Variants in BRINP2 observed in about 807,000 individuals in gnomAD.
The protein encoded by BRINP2 is BMP/retinoic acid inducible neural specific 2.
In BRINP2, 21 loss-of-function variants were observed where a neutral mutation model predicts 69.2. The ratio of observed to expected loss-of-function variants is 0.30; its 90% CI spans 0.22 to 0.44. The LOEUF is 0.44. BRINP2 is among the 20% of genes least tolerant of loss of function. BRINP2 has a pLI of 1.00. For missense variants in BRINP2, 877 were observed against 986.0 expected (o/e 0.89, Z 1.48); for synonymous variants, 380 against 394.1 (o/e 0.96, Z 0.42).
chr1:177,195,080 C>T (rs1276722831), intron 1 of BRINP2, among the ~76,000 whole-genome samples: 2 of 152,178 alleles, frequency 1.3e-5, no homozygotes, highest in African/African-American at 4.8e-5. Flanking sequence ...TCTTAGAAAG[C>T]TCACAGCCCA....
In BRINP2 at chr1:177,281,221, C is replaced by T; in HGVS notation, c.2045C>T (p.Thr682Ile). Residue 682 changes from threonine to isoleucine, a missense_variant, in exon 8 of 8, where the codon ACC becomes ATC. This residue lies in a region of BRINP2 where 225 missense variants were observed against 218.7 expected (regional missense o/e 1.03). Coordinates refer to ENST00000361539, the MANE Select transcript of BRINP2 (RefSeq NM_021165.4). Reference sequence around the variant, plus strand: ...AATTTGGGTTACATGAAAATTAACACCTTGCAGGTCTTTGGCTACAGCCTG... The same window carrying T: ...AATTTGGGTTACATGAAAATTAACATCTTGCAGGTCTTTGGCTACAGCCTG... ...SKNLGYMKIN[T>I]LQVFGYSLPF... 1 of 1,614,146 alleles carries T rather than the reference C, an allele frequency of 6.2e-7. No homozygotes were observed. Among genetic ancestry groups the T allele is most frequent in the Non-Finnish European group, 8.5e-7 (1 of 1,180,022 alleles).
Position 177,276,206 on chromosome 1 carries a change from G to A in BRINP2, c.784G>A (p.Val262Met), listed in dbSNP as rs757083217. Residue 262 changes from valine (V) to methionine (M), a missense_variant, in exon 6 of 8, where the codon GTG (valine) becomes ATG (methionine). Physicochemically the swap from Val to Met is conservative, Grantham distance 21. Coordinates refer to ENST00000361539, the MANE Select transcript of BRINP2 (RefSeq NM_021165.4). ...ACACATCCTTTCCCCAGGCCTTCAG[G>A]TGCTGCTGCCTGAGTATCTGCGTGA... ...ENKVQLLGLQ[V>M]LLPEYLRERF... is the part of the protein sequence containing the mutation. The A allele has an allele frequency of 1.2e-6, 2 of 1,611,904 alleles. No individual in the cohort carries two copies. Among genetic ancestry groups the A allele is most frequent in the South Asian group, 2.2e-5 (2 of 91,066 alleles).
Position 177,183,302 on chromosome 1 carries a change from T to C in BRINP2, c.-77+11570T>C, listed in dbSNP as rs114797295. 7.7e-3 allele frequency among the ~76,000 whole-genome samples: 1,164 copies of C among 151,896 alleles called. 11 individuals carry two copies. The highest frequency in any genetic ancestry group is 0.012 in the Non-Finnish European group (806 of 67,906). The stretch of plus-strand genomic sequence containing the variant: ...AAAACTGGTTTGTTTTTGTGATATA[T>C]GGTTCATGTGATATGACAAAAATCC... On this transcript the variant is annotated intron_variant, in intron 1 of 7. Transcript: ENST00000361539.
At chr1:177,258,080 CAG>C (rs1650827684) in intron 4 of BRINP2, among the ~76,000 whole-genome samples, 2 of 152,172 alleles carry the variant, frequency 1.3e-5, no homozygotes, top group Non-Finnish European at 2.9e-5. Flanking sequence ...AAAGATTTAA[CAG>C]GGGAGTAACA....
chr1:177,270,082 T>TTGG (rs547461505), intron 4 of BRINP2, among the ~76,000 whole-genome samples: 1 of 130,082 alleles, frequency 7.7e-6, no homozygotes, highest in Non-Finnish European at 1.6e-5. Flanking sequence ...GGGCAAGGGG[T>TTGG]GGGGGGGGTG....
rs752832489 is a variant in BRINP2 at position 177,276,437 on chromosome 1, G to C, written c.1012+3G>C. The C allele has an allele frequency of 6.2e-7, 1 of 1,613,282 alleles. No individual in the cohort carries two copies. The highest frequency in any genetic ancestry group is 8.5e-7 in the Non-Finnish European group (1 of 1,179,366). Reference sequence around the variant, plus strand: ...CAACCGGCAGTTTGAAGAGTCAGGTGAGCAGCCAGAATTCCTCCCTGTCAA... The same window carrying C: ...CAACCGGCAGTTTGAAGAGTCAGGTCAGCAGCCAGAATTCCTCCCTGTCAA... On this transcript the variant is annotated splice_donor_region_variant and intron_variant, in intron 6 of 7. Transcript: ENST00000361539.
chr1:177,220,616 A>C (rs917609664), intron 1 of BRINP2, among the ~76,000 whole-genome samples: 1 of 152,184 alleles, frequency 6.6e-6, no homozygotes, highest in Admixed American at 6.5e-5. Flanking sequence ...TTCTTTAATC[A>C]ATTACCCAGT....
chr1:177,176,845 A>G (rs974898468), intron 1 of BRINP2, among the ~76,000 whole-genome samples: 3 of 152,176 alleles, frequency 2.0e-5, no homozygotes, highest in Non-Finnish European at 4.4e-5. Flanking sequence ...ACATACAAAG[A>G]GTGAGCCGGT....
intron 1 of BRINP2, among the ~76,000 whole-genome samples, chr1:177,214,178 T>C (rs970562393): frequency 1.3e-5 from 2 of 152,166 alleles, no homozygotes; most frequent in Admixed American, 1.3e-4. Flanking sequence ...ATGCCTGTAA[T>C]CCCAGCACTT....
At chr1:177,219,522 A>G (rs2102317058) in intron 1 of BRINP2, among the ~76,000 whole-genome samples, 1 of 152,326 alleles carries the variant, frequency 6.6e-6, no homozygotes, top group African/African-American at 2.4e-5. Context: ...CTGTCAGGCA[A>G]CTCATATATT....
In BRINP2 at chr1:177,187,732, T is replaced by C. The variant is rs1196645303; in HGVS notation, c.-77+16000T>C. On this transcript the variant is annotated intron_variant, in intron 1 of 7. Transcript: ENST00000361539. The stretch of plus-strand genomic sequence containing the variant: ...GTTGTATTCCACTTATTTAATGATA[T>C]AGCAAGTAGTTAGGACTATGAGCTC... Among the ~76,000 whole-genome samples, 5 of 152,338 alleles carry C rather than the reference T, an allele frequency of 3.3e-5. No individual in the cohort carries two copies. In the South Asian group the frequency reaches 8.3e-4, roughly 25 times the overall value.
intron 2 of BRINP2, among the ~76,000 whole-genome samples, chr1:177,242,206 T>C (rs890319028): frequency 1.3e-5 from 2 of 152,186 alleles, no homozygotes; most frequent in Admixed American, 6.5e-5. Flanking sequence ...CCTGGCTTCA[T>C]TGTCTACCAT....
intron 4 of BRINP2, among the ~76,000 whole-genome samples, chr1:177,257,890 C>T (rs1282722530): frequency 1.3e-5 from 2 of 152,084 alleles, no homozygotes; most frequent in Admixed American, 6.6e-5. Flanking sequence ...AGTACTTGTT[C>T]CAAGTAAGTA....
chr1:177,187,809 T>A (rs960513505), intron 1 of BRINP2, among the ~76,000 whole-genome samples: 1 of 152,190 alleles, frequency 6.6e-6, no homozygotes, highest in African/African-American at 2.4e-5. Flanking sequence ...AGCTAAGTGA[T>A]AGGTATAGAG....
intron 1 of BRINP2, among the ~76,000 whole-genome samples, chr1:177,201,905 A>G (rs1269184281): frequency 6.6e-6 from 1 of 152,278 alleles, no homozygotes; most frequent in African/African-American, 2.4e-5. Flanking sequence ...TCAGAGATTC[A>G]ACTTCTTCCT....
intron 1 of BRINP2, among the ~76,000 whole-genome samples, chr1:177,202,462 C>T (rs1395083298): frequency 3.3e-5 from 5 of 152,152 alleles, no homozygotes; most frequent in Non-Finnish European, 7.3e-5. Context: ...ATTATGTACC[C>T]AATAGTCATT....
chr1:177,190,682 A>C (rs929238437), intron 1 of BRINP2, among the ~76,000 whole-genome samples: 2 of 152,134 alleles, frequency 1.3e-5, no homozygotes, highest in Non-Finnish European at 2.9e-5. Flanking sequence ...GGAAGTGAGC[A>C]TTGGGTCCCA....
intron 4 of BRINP2, among the ~76,000 whole-genome samples, chr1:177,260,754 T>C (rs1379160594): frequency 1.3e-5 from 2 of 152,244 alleles, no homozygotes; most frequent in African/African-American, 2.4e-5. Flanking sequence ...TTAAGGTATG[T>C]ACATTGTTTG....
At chr1:177,241,002 C>T (rs1448673503) in intron 2 of BRINP2, among the ~76,000 whole-genome samples, 2 of 151,004 alleles carry the variant, frequency 1.3e-5, no homozygotes, top group African/African-American at 2.4e-5. Context: ...GATGGAGTCT[C>T]GCTCTGTCAC....
Sources: gnomAD v4.1 joint callset for allele counts (sites outside exome capture counted in the v4.1 genomes callset) on GRCh38, gnomAD v4.1.1 for gene constraint, gnomAD v4.1.1 regional missense constraint, MANE v1.5 for transcripts, NCBI Gene and HGNC (gene_info 2026-07-23, HGNC 2026-07-21) for gene names.